The following SRCIN1 variants were observed in gnomAD, a reference collection of about 807,000 sequenced individuals.
The protein encoded by SRCIN1 is SRC kinase signaling inhibitor 1, also known as P130Cas-associated protein.
A neutral mutation model predicts 116.2 loss-of-function variants in SRCIN1; 50 were observed. That is an observed-to-expected ratio of 0.43 (90% CI 0.34 to 0.54). The LOEUF is 0.54. Ranked by LOEUF, SRCIN1 falls within the 20% of genes least tolerant of loss-of-function variation. The probability of loss-of-function intolerance (pLI) is 0.02; values close to 1 mark genes in which losing one functional copy is unlikely to be tolerated. For synonymous variants in SRCIN1, 736 were observed against 750.0 expected (o/e 0.98, Z 0.30); for missense variants, 1,446 against 1,672.0 (o/e 0.86, Z 2.36).
At chr17:38,588,058 C>CAA (rs112646329) in intron 1 of SRCIN1, among the ~76,000 whole-genome samples, 4 of 129,046 alleles carry the variant, frequency 3.1e-5, no homozygotes, top group Admixed American at 8.3e-5. Context: ...TTTGCTTTAA[C>CAA]AAAAAAAAAA....
intron 1 of SRCIN1, among the ~76,000 whole-genome samples, chr17:38,596,231 A>G (rs533204118): frequency 6.6e-6 from 1 of 152,262 alleles, no homozygotes; most frequent in African/African-American, 2.4e-5. Context: ...AGGGGCTCCC[A>G]AAGTGGGCTA....
intron 18 of SRCIN1, chr17:38,542,877 G>A (rs185002348): frequency 7.8e-4 from 269 of 343,392 alleles, no homozygotes; most frequent in African/African-American, 5.2e-3. Context: ...CTTCTCTAAC[G>A]TCTTGCCTCT....
intron 1 of SRCIN1, among the ~76,000 whole-genome samples, chr17:38,589,835 T>C (rs1029500644): frequency 2.6e-5 from 4 of 152,196 alleles, no homozygotes; most frequent in African/African-American, 9.7e-5. Flanking sequence ...CTGCAGCCCA[T>C]GATTCTCTCT....
chr17:38,574,847 G>A (rs768068499), intron 2 of SRCIN1: 6 of 400,696 alleles, frequency 1.5e-5, no homozygotes, highest in Admixed American at 4.4e-5. Context: ...CCATGGGCTT[G>A]GGGGGTGGGG....
chr17:38,555,049 C>T (rs866176891), intron 11 of SRCIN1, among the ~76,000 whole-genome samples: 1 of 152,214 alleles, frequency 6.6e-6, no homozygotes, highest in African/African-American at 2.4e-5. Context: ...AGTTAAAGAG[C>T]TATCCTGTAT....
chr17:38,534,360 C>T (rs2040970680), intron 18 of SRCIN1, among the ~76,000 whole-genome samples: 1 of 152,222 alleles, frequency 6.6e-6, no homozygotes, highest in African/African-American at 2.4e-5. Context: ...CATGAATGTG[C>T]ATTTTAAGCA....
chr17:38,587,954 G>A (rs980557078), intron 1 of SRCIN1, among the ~76,000 whole-genome samples: 2 of 151,814 alleles, frequency 1.3e-5, no homozygotes, highest in African/African-American at 2.4e-5. Context: ...CACACAGCAG[G>A]CAAATCTGTG....
intron 18 of SRCIN1, among the ~76,000 whole-genome samples, chr17:38,537,911 C>A (rs1174441844): frequency 5.3e-5 from 8 of 151,238 alleles, no homozygotes; most frequent in Non-Finnish European, 8.8e-5. Context: ...GCCAGCCTGG[C>A]CAACATGGTG....
chr17:38,564,342 C>G, intron 3 of SRCIN1, 29 bp from the exon 4 acceptor site: 7 of 1,495,314 alleles, frequency 4.7e-6, no homozygotes, highest in African/African-American at 3.1e-5. Flanking sequence ...GTGAGAGGAA[C>G]CAAGGATGAG....
intron 18 of SRCIN1, among the ~76,000 whole-genome samples, chr17:38,533,889 C>G (rs1005564398): frequency 6.6e-6 from 1 of 152,056 alleles, no homozygotes; most frequent in African/African-American, 2.4e-5. Context: ...ACAGCCAGAG[C>G]CCCTTCCAGC....
At chr17:38,581,581 T>C (rs2143340057) in intron 1 of SRCIN1, among the ~76,000 whole-genome samples, 1 of 152,000 alleles carries the variant, frequency 6.6e-6, no homozygotes, top group South Asian at 2.1e-4. Context: ...TGAAATAAAG[T>C]TTCCTTTTAA....
chr17:38,559,992 C>G, intron 9 of SRCIN1, 62 bp downstream of exon 9: 2 of 1,433,724 alleles, frequency 1.4e-6, no homozygotes, highest in South Asian at 1.2e-5. Flanking sequence ...TTAATCCCCA[C>G]TTTATAGATT....
At chr17:38,579,365 G>A (rs1907642823) in intron 1 of SRCIN1, among the ~76,000 whole-genome samples, 1 of 152,182 alleles carries the variant, frequency 6.6e-6, no homozygotes, top group Admixed American at 6.5e-5. Context: ...GAAGACATGG[G>A]GAGAATGAGG....
chr17:38,579,457 G>C (rs954988418), intron 1 of SRCIN1, among the ~76,000 whole-genome samples: 1 of 152,188 alleles, frequency 6.6e-6, no homozygotes, highest in African/African-American at 2.4e-5. Context: ...TCCCTCCCCA[G>C]AGACAGACAG....
At chr17:38,578,445 G>A in intron 2 of SRCIN1, 45 bp downstream of exon 2, 1 of 1,446,698 alleles carries the variant, frequency 6.9e-7, no homozygotes, top group Non-Finnish European at 9.4e-7. Context: ...TCCCCTGCCC[G>A]CTGGCCGCGG....
At chr17:38,548,965 TC>T in intron 16 of SRCIN1, 90 bp downstream of exon 16, 1 of 1,405,180 alleles carries the variant, frequency 7.1e-7, no homozygotes, top group South Asian at 1.4e-5. Flanking sequence ...GAGAAAGGGG[TC>T]TCTTTCCCAC....
chr17:38,547,799 A>G (rs780150713), intron 17 of SRCIN1: 3 of 232,746 alleles, frequency 1.3e-5, no homozygotes, highest in South Asian at 6.9e-5. Context: ...GGGGGGCCCC[A>G]GGTCCTGGGG....
At chr17:38,581,075 T>C (rs1380814073) in intron 1 of SRCIN1, among the ~76,000 whole-genome samples, 1 of 152,104 alleles carries the variant, frequency 6.6e-6, no homozygotes, top group African/African-American at 2.4e-5. Context: ...GCTCAAGTGA[T>C]TCTCCCACTT....
intron 1 of SRCIN1, among the ~76,000 whole-genome samples, chr17:38,596,427 C>T (rs377028757): frequency 5.8e-4 from 88 of 152,224 alleles, no homozygotes; most frequent in South Asian, 4.6e-3. Context: ...GGACAAACAG[C>T]AGGACAACAC....
Sources: gnomAD v4.1 joint callset for allele counts (sites outside exome capture counted in the v4.1 genomes callset) on GRCh38, gnomAD v4.1.1 for gene constraint, MANE v1.5 for transcripts, NCBI Gene and HGNC (gene_info 2026-07-23, HGNC 2026-07-21) for gene names.